The following HINFP variants were observed in gnomAD, a reference collection of about 807,000 sequenced individuals.
HINFP encodes the protein MBD2 (methyl-CpG-binding protein)-interacting zinc finger protein.
A neutral mutation model predicts 50.1 loss-of-function variants in HINFP; 20 were observed. The ratio of observed to expected loss-of-function variants is 0.40; its 90% CI spans 0.28 to 0.58. The LOEUF is 0.58. HINFP is among the 20% of genes least tolerant of loss of function. The probability of loss-of-function intolerance (pLI) is 0.45; values close to 1 mark genes in which losing one functional copy is unlikely to be tolerated. For missense variants in HINFP, 505 were observed against 664.1 expected (o/e 0.76, Z 2.63); for synonymous variants, 247 against 243.7 (o/e 1.01, Z -0.13).
intron 2 of HINFP, among the ~76,000 whole-genome samples, chr11:119,129,133 C>T (rs933896415): frequency 2.6e-5 from 4 of 151,988 alleles, no homozygotes; most frequent in Admixed American, 6.6e-5. Flanking sequence ...CTCCGCCTCC[C>T]GGGTTCAAGT....
Position 119,132,510 on chromosome 11 carries a change from T to C in HINFP, c.691T>C (p.Cys231Arg). The change falls in exon 6 of 10, where the codon TGT becomes CGT. Residue 231 changes from cysteine to arginine, a missense_variant. Transcript: ENST00000350777. ...QTSLDQQHFQ[C>R]SHCSKRFATE... The stretch of plus-strand genomic sequence containing the variant: ...CCCCACCCCAGAGCAGCACTTCCAG[T>C]GTTCTCACTGTTCCAAGAGATTTGC... 1 of 1,614,158 alleles carries C rather than the reference T, an allele frequency of 6.2e-7. No homozygotes were observed. Among genetic ancestry groups the C allele is most frequent in the Non-Finnish European group, 8.5e-7 (1 of 1,180,036 alleles).
chr11:119,130,751 G>A lies in HINFP; in HGVS notation c.208G>A (p.Glu70Lys). The change falls in exon 3 of 10, where the codon GAA becomes AAA. Residue 70 changes from glutamate (E) to lysine (K), a missense_variant. By Grantham distance (56) the Glu-to-Lys change is moderately conservative. Coordinates refer to ENST00000350777, the MANE Select transcript of HINFP (RefSeq NM_198971.3). ...GGAAGAATTCTCCTGCTTGTGGCAG[G>A]AATGTGGCTTTTGTTCTCTGGACAG... ...LEEEFSCLWQ[E>K]CGFCSLDSSA... 6.2e-7 allele frequency: 1 copy of A among 1,614,186 alleles called. No homozygotes were observed. Among genetic ancestry groups the A allele is most frequent in the Non-Finnish European group, 8.5e-7 (1 of 1,180,030 alleles).
chr11:119,133,126 T>A lies in HINFP; in HGVS notation c.1046T>A (p.Val349Glu). Residue 349 changes from valine to glutamate, a missense_variant, in exon 9 of 10, where the codon GTG (valine) becomes GAG (glutamate). By Grantham distance (121) the Val-to-Glu change is moderately radical. Transcript: ENST00000350777. Reference protein sequence around the residue: ...GDSEPRYKCHVCDKCFTRGNN... With the variant: ...GDSEPRYKCHECDKCFTRGNN... Reference sequence around the variant, plus strand: ...TCTGAGCCAAGGTACAAATGTCATGTGTGTGACAAATGCTTCACACGGGGC... The same window carrying A: ...TCTGAGCCAAGGTACAAATGTCATGAGTGTGACAAATGCTTCACACGGGGC... The A allele has an allele frequency of 1.2e-6, 2 of 1,614,270 alleles. No individual in the cohort carries two copies. The highest frequency in any genetic ancestry group is 1.7e-6 in the Non-Finnish European group (2 of 1,180,050).
Position 119,131,735 on chromosome 11 carries a change from G to A in HINFP, c.523+89G>A. ...AGAAAGGGATAGGGGTCCTACAGGG[G>A]CAAGGTTGACTGCCGGCTGGAGAGA... On this transcript the variant is annotated intron_variant, in intron 4 of 9. Transcript: ENST00000350777. This position sits in a 1 kb window ranked among gnomAD's most constrained non-coding sequence, Gnocchi z 4.2. The A allele has an allele frequency of 2.5e-6, 4 of 1,596,286 alleles. No homozygotes were observed. The highest frequency in any genetic ancestry group is 3.4e-6 in the Non-Finnish European group (4 of 1,165,092).
At chr11:119,133,517 T>A (rs1947898234) in intron 9 of HINFP, 1 of 348,614 alleles carries the variant, frequency 2.9e-6, no homozygotes, top group Non-Finnish European at 5.3e-6. Context: ...AGGCGGAGGT[T>A]GTAGTGAGCT....
Position 119,126,929 on chromosome 11 carries a change from C to T in HINFP, c.-10-6C>T, listed in dbSNP as rs1458852016. On this transcript the variant is annotated splice_region_variant and splice_polypyrimidine_tract_variant and intron_variant, in intron 1 of 9. Coordinates refer to ENST00000350777, the MANE Select transcript of HINFP (RefSeq NM_198971.3). ...TGCAGCTGTGGATTTCTTCCTCTTC[C>T]TCTAGGGTGAAGGCCATGCCGCCTC... 1.9e-6 allele frequency: 3 copies of T among 1,605,004 alleles called. No homozygotes were observed. In the South Asian group the frequency reaches 3.3e-5, roughly 18 times the overall value.
In HINFP at chr11:119,130,618, G is replaced by A. The variant is rs1489050503; in HGVS notation, c.182-107G>A. 3 of 922,130 alleles carry A rather than the reference G, an allele frequency of 3.3e-6. No homozygotes were observed. In the Admixed American group the frequency reaches 6.5e-5, roughly 20 times the overall value. The allele number at this position is 922,130 out of a possible 1,614,324, so 57.1% of individuals were successfully genotyped here. A position where few individuals can be genotyped will look rare whatever the true frequency, so the allele number is the denominator to read the frequency against. ...ACCCTGGTAATTTGGTTAGAGTCCA[G>A]CCTCCTCACGAGTCCAGCCTCCTCA... On this transcript the variant is annotated intron_variant, in intron 2 of 9. Transcript: ENST00000350777.
rs1423655903 is a variant in HINFP at position 119,134,445 on chromosome 11, A to G, written c.1501A>G (p.Ile501Val). 6.2e-7 allele frequency: 1 copy of G among 1,613,238 alleles called. No individual in the cohort carries two copies. The highest frequency in any genetic ancestry group is 8.5e-7 in the Non-Finnish European group (1 of 1,179,486). Residue 501 changes from isoleucine to valine, a missense_variant, in exon 10 of 10, where the codon ATC becomes GTC. Coordinates refer to ENST00000350777, the MANE Select transcript of HINFP (RefSeq NM_198971.3). This position sits in a 1 kb window ranked among gnomAD's most constrained non-coding sequence, Gnocchi z 4.3. ...AGCCCCTGAGCCACCTTCAGGGGGC[A>G]TCATGGAAAAGCTTCAAGGAATAGC... is the stretch of plus-strand genomic sequence containing the variant. Reference protein sequence around the residue: ...PPAPEPPSGGIMEKLQGIAEE... With the variant: ...PPAPEPPSGGVMEKLQGIAEE...
rs966129116 is a variant in HINFP at position 119,126,883 on chromosome 11, G to C, written c.-10-52G>C. On this transcript the variant is annotated intron_variant, in intron 1 of 9. Coordinates refer to ENST00000350777, the MANE Select transcript of HINFP (RefSeq NM_198971.3). ...CTGCCTGCCCAGCTTTTTGCCCTCA[G>C]CAGCACCTGGGTGGAATTCTTGCAG... 3.3e-6 allele frequency: 5 copies of C among 1,530,390 alleles called. No individual in the cohort carries two copies. The African/African-American group carries it at 6.9e-5, about 21-fold the overall frequency. The allele number at this position is 1,530,390 out of a possible 1,614,324, so 94.8% of individuals were successfully genotyped here. A position where few individuals can be genotyped will look rare whatever the true frequency, so the allele number is the denominator to read the frequency against.
At chr11:119,122,168 G>A (rs1213243455) in intron 1 of HINFP, among the ~76,000 whole-genome samples, 1 of 152,182 alleles carries the variant, frequency 6.6e-6, no homozygotes, top group Non-Finnish European at 1.5e-5. Flanking sequence ...TAAGAGGGTA[G>A]AGTGAAGATC....
Position 119,135,516 on chromosome 11 carries a change from T to C in HINFP, c.*1018T>C, listed in dbSNP as rs1420434022. ...AAAATTGTGTGTCTGAATGTGCATT[T>C]TCCTGGGGAAAGGATCTGTTTTTTG... On this transcript the variant is annotated 3_prime_UTR_variant, in exon 10 of 10. Coordinates refer to ENST00000350777, the MANE Select transcript of HINFP (RefSeq NM_198971.3). The C allele has an allele frequency of 6.6e-6, 1 of 152,144 alleles. No homozygotes were observed. The highest frequency in any genetic ancestry group is 6.6e-5 in the Admixed American group (1 of 15,254). 9.4% of individuals were successfully genotyped at this position (152,144 alleles called of 1,614,324 possible). A position where few individuals can be genotyped will look rare whatever the true frequency, so the allele number is the denominator to read the frequency against.
At position 119,134,076 on chromosome 11, in the gene HINFP, C is replaced by T. The variant is rs1237184401; in HGVS notation, c.1140-8C>T. 2 of 1,614,078 alleles carry T rather than the reference C, an allele frequency of 1.2e-6. No homozygotes were observed. The highest frequency in any genetic ancestry group is 1.7e-6 in the Non-Finnish European group (2 of 1,180,004). On this transcript the variant is annotated splice_region_variant and splice_polypyrimidine_tract_variant and intron_variant, in intron 9 of 9. Coordinates refer to ENST00000350777, the MANE Select transcript of HINFP (RefSeq NM_198971.3). The surrounding 1 kb of genome is among the most constrained non-coding windows in gnomAD (Gnocchi z 4.3). ...GGTTTGCTGCCCTTTATGCTCCTAC[C>T]TCACCAGGTACAAGGAACATGAAGA...
At chr11:119,127,171 G>GA in intron 2 of HINFP, 46 bp downstream of exon 2, 1 of 1,473,606 alleles carries the variant, frequency 6.8e-7, no homozygotes, top group Non-Finnish European at 9.0e-7. Context: ...AGGAAAGGTG[G>GA]AAAATCTGAC....
At chr11:119,125,787 A>G (rs1369706692) in intron 1 of HINFP, 2 of 152,248 alleles carry the variant, frequency 1.3e-5, no homozygotes, top group East Asian at 1.9e-4. Context: ...TGGAATCTAC[A>G]TTTTAACAGA....
Position 119,131,953 on chromosome 11 carries a change from A to G in HINFP, c.647A>G (p.Asp216Gly). Residue 216 changes from aspartate (D) to glycine (G), a missense_variant, in exon 5 of 10, where the codon GAT becomes GGT. Transcript: ENST00000350777. This position sits in a 1 kb window ranked among gnomAD's most constrained non-coding sequence, Gnocchi z 4.2. The stretch of plus-strand genomic sequence containing the variant: ...TTTGCCAACAATACCAAGTTCTTAG[A>G]TCACATCCGTCGCCAGACCTCATTG... ...GMFANNTKFL[D>G]HIRRQTSLDQ... 1 of 1,614,088 alleles carries G rather than the reference A, an allele frequency of 6.2e-7. No individual in the cohort carries two copies.
At chr11:119,133,865 G>T (rs1947918073) in intron 9 of HINFP, 4 of 615,134 alleles carry the variant, frequency 6.5e-6, no homozygotes, top group Non-Finnish European at 1.1e-5. Flanking sequence ...TGTTTTTCTG[G>T]TTGGGTTTCT....
intron 1 of HINFP, chr11:119,125,893 A>G (rs1947369699): frequency 6.6e-6 from 1 of 152,234 alleles, no homozygotes; most frequent in Non-Finnish European, 1.5e-5. Flanking sequence ...TTATGATTCA[A>G]TAAGAAATAA....
chr11:119,129,296 C>T (rs1463329409), intron 2 of HINFP, among the ~76,000 whole-genome samples: 1 of 152,040 alleles, frequency 6.6e-6, no homozygotes, highest in Non-Finnish European at 1.5e-5. Flanking sequence ...GCCTCGGCCT[C>T]CCAAAGTGTT....
rs1947954195 is a variant in HINFP at position 119,134,381 on chromosome 11, C to G, written c.1437C>G (p.Val479=). 1 of 1,614,000 alleles carries G rather than the reference C, an allele frequency of 6.2e-7. No homozygotes were observed. The highest frequency in any genetic ancestry group is 8.5e-7 in the Non-Finnish European group (1 of 1,179,964). Residue 479 remains valine, a synonymous_variant, in exon 10 of 10, where the codon GTC becomes GTG. Coordinates refer to ENST00000350777, the MANE Select transcript of HINFP (RefSeq NM_198971.3). This position sits in a 1 kb window ranked among gnomAD's most constrained non-coding sequence, Gnocchi z 4.3. ...QTNAQGQQEI[V]YYVLSEAPGE... The stretch of plus-strand genomic sequence containing the variant: ...ATGCCCAAGGCCAGCAAGAGATCGT[C>G]TACTATGTGCTGTCTGAAGCCCCAG...
Sources: allele counts gnomAD v4.1 joint callset (sites outside exome capture counted in the v4.1 genomes callset), GRCh38; gene constraint gnomAD v4.1.1; non-coding constraint Gnocchi (gnomAD v3.1); transcripts MANE v1.5; gene names NCBI Gene and HGNC (gene_info 2026-07-23, HGNC 2026-07-21).